Variants in PARD3B observed in about 807,000 individuals in gnomAD.
PARD3B encodes partitioning defective 3 homolog B.
PARD3B carries 103 observed loss-of-function variants against 130.2 expected under a neutral mutation model. That is an observed-to-expected ratio of 0.79 (90% confidence interval 0.67 to 0.93). The LOEUF (loss-of-function observed/expected upper bound fraction) is 0.93. Ranked by LOEUF, PARD3B falls within the 40% of genes least tolerant of loss-of-function variation. PARD3B has a pLI of 0.00. For synonymous variants in PARD3B, 583 were observed against 553.2 expected (o/e 1.05, Z -0.76); for missense variants, 1,609 against 1,499.2 (o/e 1.07, Z -1.21).
intron 2 of PARD3B, among the ~76,000 whole-genome samples, chr2:204,881,690 G>C (rs565126935): frequency 6.6e-6 from 1 of 152,324 alleles, no homozygotes; most frequent in Admixed American, 6.5e-5. Flanking sequence ...TTCCAGGCCA[G>C]GCTAATGAAG....
At chr2:204,608,066 T>TTGCTGG (rs759804387) in intron 1 of PARD3B, among the ~76,000 whole-genome samples, 3 of 152,134 alleles carry the variant, frequency 2.0e-5, no homozygotes, top group Non-Finnish European at 4.4e-5. Context: ...GTTTGCAAGA[T>TTGCTGG]GGTTTGCAGC....
At chr2:205,069,256 T>G (rs1335716895) in intron 4 of PARD3B, among the ~76,000 whole-genome samples, 1 of 152,092 alleles carries the variant, frequency 6.6e-6, no homozygotes, top group East Asian at 1.9e-4. Flanking sequence ...TTGCAACCAC[T>G]TGTTTGTTTT....
chr2:204,707,162 A>G (rs2038206651), intron 2 of PARD3B, among the ~76,000 whole-genome samples: 2 of 152,040 alleles, frequency 1.3e-5, no homozygotes, highest in African/African-American at 4.8e-5. Flanking sequence ...GTTTCTGTGC[A>G]CTCTCCTACA....
intron 3 of PARD3B, among the ~76,000 whole-genome samples, chr2:204,980,256 T>G (rs1692549872): frequency 6.6e-6 from 1 of 152,168 alleles, no homozygotes; most frequent in Non-Finnish European, 1.5e-5. Context: ...AAAACCACAT[T>G]GCAAATTTCA....
At chr2:204,730,800 C>T (rs182507388) in intron 2 of PARD3B, among the ~76,000 whole-genome samples, 50 of 152,270 alleles carry the variant, frequency 3.3e-4, no homozygotes, top group African/African-American at 1.1e-3. Flanking sequence ...AAAACTACCT[C>T]GTTGCTGAGC....
At chr2:204,723,647 G>C (rs2039092886) in intron 2 of PARD3B, among the ~76,000 whole-genome samples, 1 of 152,040 alleles carries the variant, frequency 6.6e-6, no homozygotes, top group Admixed American at 6.6e-5. Flanking sequence ...TTTTATAATT[G>C]CAAATAGGAT....
intron 1 of PARD3B, among the ~76,000 whole-genome samples, chr2:204,635,119 T>A (rs959298747): frequency 2.0e-5 from 3 of 152,236 alleles, no homozygotes; most frequent in African/African-American, 4.8e-5. Flanking sequence ...TTTGCTCATG[T>A]TTCCAAGTTT....
At chr2:204,578,862 G>A (rs909421152) in intron 1 of PARD3B, among the ~76,000 whole-genome samples, 5 of 152,010 alleles carry the variant, frequency 3.3e-5, no homozygotes, top group Non-Finnish European at 2.9e-5. Flanking sequence ...TCATAATCTG[G>A]GAAGATGAGA....
chr2:205,363,661 T>C (rs2044480890), intron 18 of PARD3B, among the ~76,000 whole-genome samples: 1 of 151,828 alleles, frequency 6.6e-6, no homozygotes, highest in East Asian at 1.9e-4. Flanking sequence ...GTTTTTGTTT[T>C]GTTTTGTTTT....
chr2:204,936,584 A>T (rs998926611), intron 2 of PARD3B, among the ~76,000 whole-genome samples: 2 of 152,216 alleles, frequency 1.3e-5, no homozygotes, highest in African/African-American at 2.4e-5. Context: ...TTTACAGATG[A>T]TGGAGCATAG....
intron 3 of PARD3B, among the ~76,000 whole-genome samples, chr2:205,013,456 C>T (rs1695881464): frequency 6.6e-6 from 1 of 151,920 alleles, no homozygotes; most frequent in African/African-American, 2.4e-5. Flanking sequence ...CTCTTGTATC[C>T]AGTGGTGTAG....
intron 2 of PARD3B, among the ~76,000 whole-genome samples, chr2:204,796,363 A>C (rs1266411493): frequency 2.6e-5 from 4 of 152,226 alleles, no homozygotes. Context: ...CCTTCTTGGG[A>C]AAAGAACATT....
At chr2:205,066,240 C>G (rs919908767) in intron 4 of PARD3B, among the ~76,000 whole-genome samples, 1 of 152,118 alleles carries the variant, frequency 6.6e-6, no homozygotes, top group Admixed American at 6.6e-5. Flanking sequence ...AACAACCCAC[C>G]CTTTTAGCAT....
Position 204,545,882 on chromosome 2 carries a change from G to C in PARD3B, c.-118G>C, listed in dbSNP as rs2029888926. On this transcript the variant is annotated 5_prime_UTR_variant, in exon 1 of 23. Transcript: ENST00000406610. ...GCCTCCGGGCCTCAGGGTGTTCCGG[G>C]GAGCGGCGCCCCGGGTCTCTGGGCC... 2.5e-6 allele frequency: 3 copies of C among 1,188,306 alleles called. No individual in the cohort carries two copies. The East Asian group carries it at 9.3e-5, about 37-fold the overall frequency. 73.6% of individuals were successfully genotyped at this position (1,188,306 alleles called of 1,614,324 possible).
At chr2:205,193,422 C>T in intron 15 of PARD3B, 102 bp downstream of exon 15, 1 of 855,760 alleles carries the variant, frequency 1.2e-6, no homozygotes, top group Non-Finnish European at 1.9e-6. Flanking sequence ...CCTCAGGGAA[C>T]AAGGTCTGCA....
chr2:205,559,144 C>T lies in PARD3B; in HGVS notation c.3260+5741C>T, dbSNP rs542973082. On this transcript the variant is annotated intron_variant, in intron 22 of 22. Coordinates refer to ENST00000406610, the MANE Select transcript of PARD3B (RefSeq NM_001302769.2). ...CTCCACCACTGGAGCAATACCTACT[C>T]CTGCACCCAAGTGTTGCTGGATGGT... is the stretch of plus-strand genomic sequence containing the variant. Among the ~76,000 whole-genome samples, 36 of 152,236 alleles carry T rather than the reference C, an allele frequency of 2.4e-4. No individual in the cohort carries two copies. The South Asian group carries it at 6.7e-3, about 28-fold the overall frequency.
At position 204,652,184 on chromosome 2, in the gene PARD3B, A is replaced by G. The variant is rs137908611; in HGVS notation, c.121-33997A>G. The stretch of plus-strand genomic sequence containing the variant: ...TGAATCACCCCCACCCCCGAAAATC[A>G]GTTTTTCTTTTCTCCCACATGGCCA... On this transcript the variant is annotated intron_variant, in intron 1 of 22. Coordinates refer to ENST00000406610, the MANE Select transcript of PARD3B (RefSeq NM_001302769.2). Among the ~76,000 whole-genome samples the G allele has an allele frequency of 3.9e-3, 586 of 152,068 alleles. 9 individuals are homozygous for G. The highest frequency in any genetic ancestry group is 8.3e-3 in the East Asian group (43 of 5,176).
chr2:204,801,998 G>A (rs1056945100), intron 2 of PARD3B, among the ~76,000 whole-genome samples: 1 of 152,102 alleles, frequency 6.6e-6, no homozygotes, highest in Non-Finnish European at 1.5e-5. Flanking sequence ...TTTATGTGAT[G>A]GATTATGTTT....
chr2:204,983,161 G>A (rs1257110232), intron 3 of PARD3B, among the ~76,000 whole-genome samples: 7 of 152,086 alleles, frequency 4.6e-5, no homozygotes, highest in Non-Finnish European at 1.0e-4. Flanking sequence ...TGTTGGTATA[G>A]CCAATGCAGT....
Sources: gnomAD v4.1 joint callset for allele counts (sites outside exome capture counted in the v4.1 genomes callset) on GRCh38, gnomAD v4.1.1 for gene constraint, MANE v1.5 for transcripts, NCBI Gene and HGNC (gene_info 2026-07-23, HGNC 2026-07-21) for gene names.